TTLL5: variants seen among roughly 807,000 people sequenced by gnomAD.
TTLL5 encodes tubulin polyglutamylase TTLL5.
A neutral mutation model predicts 168.4 loss-of-function variants in TTLL5; 132 were observed. The observed-to-expected ratio is 0.78, with a 90% CI of 0.68 to 0.91. The LOEUF (loss-of-function observed/expected upper bound fraction) is 0.91, where lower values mean the gene tolerates loss of function less well. TTLL5 is among the 40% of genes least tolerant of loss of function. The probability of loss-of-function intolerance (pLI) is 0.00; values close to 1 mark genes in which losing one functional copy is unlikely to be tolerated. For synonymous variants in TTLL5, 546 were observed against 558.6 expected, an observed-to-expected ratio of 0.98 and a Z score of 0.32; for missense variants, 1,545 against 1,581.5, an observed-to-expected ratio of 0.98 and a Z score of 0.39.
intron 7 of TTLL5, among the ~76,000 whole-genome samples, chr14:75,702,487 T>G (rs936943421): frequency 6.6e-5 from 10 of 152,228 alleles, no homozygotes; most frequent in African/African-American, 2.4e-4. Flanking sequence ...TCAAAAAGAA[T>G]AGGATCTATT....
chr14:75,847,661 A>C (rs1240670260), intron 28 of TTLL5: 1 of 152,054 alleles, frequency 6.6e-6, no homozygotes, highest in Non-Finnish European at 1.5e-5. Context: ...AGAGAAATGA[A>C]ATCACTTGCC....
At chr14:75,762,869 A>T (rs1890737407) in intron 18 of TTLL5, among the ~76,000 whole-genome samples, 1 of 152,228 alleles carries the variant, frequency 6.6e-6, no homozygotes, top group African/African-American at 2.4e-5. Context: ...TAATGTAGAC[A>T]ATATAAACTC....
intron 2 of TTLL5, 96 bp from the exon 3 acceptor site, chr14:75,669,320 G>T (rs766615644): frequency 8.1e-6 from 9 of 1,107,666 alleles, no homozygotes; most frequent in Non-Finnish European, 1.2e-5. Flanking sequence ...CCAGAAGGAA[G>T]GGGAAACTTG....
At chr14:75,763,934 A>G (rs1890813212) in intron 18 of TTLL5, among the ~76,000 whole-genome samples, 1 of 152,096 alleles carries the variant, frequency 6.6e-6, no homozygotes, top group Non-Finnish European at 1.5e-5. Flanking sequence ...TAACGCCTGT[A>G]AAGTCCCTGC....
intron 31 of TTLL5, among the ~76,000 whole-genome samples, chr14:75,925,228 C>G (rs1157633603): frequency 7.2e-6 from 1 of 139,806 alleles, no homozygotes; most frequent in Non-Finnish European, 1.6e-5. Flanking sequence ...GCTGGCCTGG[C>G]GGGGGCTGAC....
At chr14:75,943,508 G>A (rs957669262) in intron 31 of TTLL5, among the ~76,000 whole-genome samples, 1 of 151,766 alleles carries the variant, frequency 6.6e-6, no homozygotes, top group Admixed American at 6.6e-5. Flanking sequence ...TTGTAAGCTT[G>A]GGCATGAATT....
At chr14:75,751,664 C>G (rs545334023) in intron 17 of TTLL5, among the ~76,000 whole-genome samples, 1 of 152,152 alleles carries the variant, frequency 6.6e-6, no homozygotes, top group Middle Eastern at 3.4e-3. Flanking sequence ...TGAGGGAGGA[C>G]CACTGTATAG....
intron 3 of TTLL5, among the ~76,000 whole-genome samples, chr14:75,673,706 C>G (rs963865149): frequency 6.6e-6 from 1 of 152,212 alleles, no homozygotes. Flanking sequence ...TGAATAAGAT[C>G]TACTCTACTT....
At chr14:75,946,546 T>C (rs898530524) in intron 31 of TTLL5, among the ~76,000 whole-genome samples, 19 of 152,142 alleles carry the variant, frequency 1.2e-4, no homozygotes, top group African/African-American at 4.6e-4. Flanking sequence ...AATGTTCCAG[T>C]GAAGGTCAAA....
At chr14:75,812,714 T>C (rs2140395661) in intron 27 of TTLL5, among the ~76,000 whole-genome samples, 1 of 152,316 alleles carries the variant, frequency 6.6e-6, no homozygotes, top group South Asian at 2.1e-4. Flanking sequence ...GTGAGCTTTG[T>C]GGAGGAGAGG....
chr14:75,930,553 T>C lies in TTLL5; in HGVS notation c.3824-23871T>C, dbSNP rs919231395. On this transcript the variant is annotated intron_variant, in intron 31 of 31. Transcript: ENST00000298832. ...CACAAGCATTTTGAATAAAGGATAATCAGCCTGTATATATTATTAATTAAA... is the reference window on the plus strand; with the variant it reads ...CACAAGCATTTTGAATAAAGGATAACCAGCCTGTATATATTATTAATTAAA... The C allele has an allele frequency of 9.4e-6, 9 of 953,336 alleles. No homozygotes were observed. The African/African-American group carries it at 1.2e-4, about 13-fold the overall frequency. The allele number at this position is 953,336 out of a possible 1,614,324, so 59.1% of individuals were successfully genotyped here. A position where few individuals can be genotyped will look rare whatever the true frequency, so the allele number is the denominator to read the frequency against.
intron 28 of TTLL5, among the ~76,000 whole-genome samples, chr14:75,825,469 T>C (rs1895068709): frequency 6.6e-6 from 1 of 152,136 alleles, no homozygotes; most frequent in African/African-American, 2.4e-5. Context: ...TTCTCTGCTG[T>C]CTCCTGAATG....
chr14:75,679,249 T>G (rs1314520137), intron 3 of TTLL5, among the ~76,000 whole-genome samples: 1 of 152,036 alleles, frequency 6.6e-6, no homozygotes, highest in African/African-American at 2.4e-5. Context: ...TTTTTTAAAG[T>G]GGGAGAAGGA....
At chr14:75,682,138 C>T (rs1453273870) in intron 4 of TTLL5, among the ~76,000 whole-genome samples, 1 of 145,962 alleles carries the variant, frequency 6.9e-6, no homozygotes, top group African/African-American at 2.5e-5. Flanking sequence ...TGTAGTGAGC[C>T]GAGATCACAC....
intron 31 of TTLL5, among the ~76,000 whole-genome samples, chr14:75,943,352 T>C (rs1379967342): frequency 1.3e-5 from 2 of 152,170 alleles, no homozygotes; most frequent in African/African-American, 2.4e-5. Context: ...TCTCCATATG[T>C]AAGTCAACTA....
At chr14:75,738,388 CT>C (rs1166522335) in intron 15 of TTLL5, among the ~76,000 whole-genome samples, 1 of 152,188 alleles carries the variant, frequency 6.6e-6, no homozygotes, top group Non-Finnish European at 1.5e-5. Flanking sequence ...TTTGTACTCT[CT>C]GATGCAATTT....
chr14:75,669,325 A>G, intron 2 of TTLL5, 91 bp from the exon 3 acceptor site: 2 of 1,174,814 alleles, frequency 1.7e-6, no homozygotes, highest in Admixed American at 2.2e-5. Flanking sequence ...AGGAAGGGGA[A>G]ACTTGCTAAG....
In TTLL5 at chr14:75,826,859, C is replaced by CA. The variant is rs1448492007; in HGVS notation, c.3326+6698_3326+6699insA. ...GAACATTGATGATCCATATTTAAAG[C>CA]TTACCTAGTATTGACTCAACAAATT... is the stretch of plus-strand genomic sequence containing the variant. On this transcript the variant is annotated intron_variant, in intron 28 of 31. Coordinates refer to ENST00000298832, the MANE Select transcript of TTLL5 (RefSeq NM_015072.5). Among the ~76,000 whole-genome samples the CA allele has an allele frequency of 2.0e-5, 3 of 152,146 alleles. No homozygotes were observed. In the East Asian group the frequency reaches 5.8e-4, roughly 29 times the overall value.
At chr14:75,691,407 A>G (rs1594877746) in intron 6 of TTLL5, among the ~76,000 whole-genome samples, 1 of 152,212 alleles carries the variant, frequency 6.6e-6, no homozygotes, top group East Asian at 1.9e-4. Context: ...AGTCCAAATT[A>G]CGGTGGTAAT....
Sources: gnomAD v4.1 joint callset for allele counts (sites outside exome capture counted in the v4.1 genomes callset) on GRCh38, gnomAD v4.1.1 for gene constraint, MANE v1.5 for transcripts, NCBI Gene and HGNC (gene_info 2026-07-23, HGNC 2026-07-21) for gene names.